The following KPNA6 variants were observed in gnomAD, a reference collection of about 807,000 sequenced individuals.
KPNA6 encodes the protein karyopherin subunit alpha 6, also known as importin subunit alpha-7.
In KPNA6, 9 loss-of-function variants were observed where a neutral mutation model predicts 72.0. The observed-to-expected ratio is 0.13, with a 90% CI of 0.08 to 0.22. The LOEUF (loss-of-function observed/expected upper bound fraction) is 0.22. KPNA6 is among the 10% of genes least tolerant of loss of function. KPNA6 has a pLI of 1.00. For missense variants in KPNA6, 374 were observed against 655.7 expected, an observed-to-expected ratio of 0.57 and a Z score of 4.69; for synonymous variants, 219 against 242.1, an observed-to-expected ratio of 0.90 and a Z score of 0.89.
chr1:32,110,354 C>T lies in KPNA6; in HGVS notation c.4+2220C>T, dbSNP rs143005076. On this transcript the variant is annotated intron_variant, in intron 1 of 13. Coordinates refer to ENST00000373625, the MANE Select transcript of KPNA6 (RefSeq NM_012316.5). ...TGCTGGGATTACAGGCATGAGCCAC[C>T]GCGCCTGGCCTGGAATTGGATTTTT... 5.0e-3 allele frequency among the ~76,000 whole-genome samples: 762 copies of T among 152,054 alleles called. 8 individuals carry two copies. The highest frequency in any genetic ancestry group is 0.018 in the African/African-American group (729 of 41,480).
intron 1 of KPNA6, among the ~76,000 whole-genome samples, chr1:32,152,869 A>G (rs2124052310): frequency 6.6e-6 from 1 of 151,030 alleles, no homozygotes; most frequent in Middle Eastern, 3.4e-3. Flanking sequence ...AAAAATAAAA[A>G]AAATTAGCCC....
At chr1:32,120,723 C>A (rs914433659) in intron 1 of KPNA6, among the ~76,000 whole-genome samples, 2 of 150,596 alleles carry the variant, frequency 1.3e-5, no homozygotes, top group African/African-American at 4.9e-5. Flanking sequence ...CCTGCCATCA[C>A]ACTCGGTTAA....
At chr1:32,115,303 T>A (rs1641311427) in intron 1 of KPNA6, among the ~76,000 whole-genome samples, 2 of 151,004 alleles carry the variant, frequency 1.3e-5, no homozygotes, top group South Asian at 4.2e-4. Flanking sequence ...GCCCGGCTAA[T>A]TTTTTTTTGT....
At chr1:32,114,921 G>A (rs1641301767) in intron 1 of KPNA6, among the ~76,000 whole-genome samples, 1 of 152,056 alleles carries the variant, frequency 6.6e-6, no homozygotes, top group Admixed American at 6.6e-5. Context: ...CCTCACTGCA[G>A]CCTCTGTCTC....
chr1:32,159,008 G>T (rs1642192525), intron 5 of KPNA6, among the ~76,000 whole-genome samples: 1 of 152,186 alleles, frequency 6.6e-6, no homozygotes, highest in African/African-American at 2.4e-5. Context: ...CCAGAACTCA[G>T]CTGAAAGGGA....
At chr1:32,114,211 G>A (rs1641288713) in intron 1 of KPNA6, among the ~76,000 whole-genome samples, 3 of 151,940 alleles carry the variant, frequency 2.0e-5, no homozygotes, top group Admixed American at 1.3e-4. Flanking sequence ...AGGCCGAGGC[G>A]GGCAGACCAC....
intron 1 of KPNA6, among the ~76,000 whole-genome samples, chr1:32,131,711 T>C (rs1377287950): frequency 1.3e-5 from 2 of 149,956 alleles, no homozygotes; most frequent in East Asian, 3.9e-4. Context: ...TATGTATGTG[T>C]ATATATACTT....
At chr1:32,141,090 G>C (rs1447455941) in intron 1 of KPNA6, among the ~76,000 whole-genome samples, 1 of 152,070 alleles carries the variant, frequency 6.6e-6, no homozygotes, top group East Asian at 1.9e-4. Context: ...ATGTACTTCA[G>C]GTTTGTGGTT....
At chr1:32,164,510 C>T (rs1642295888) in intron 10 of KPNA6, among the ~76,000 whole-genome samples, 1 of 151,966 alleles carries the variant, frequency 6.6e-6, no homozygotes, top group Non-Finnish European at 1.5e-5. Flanking sequence ...GCAGCATGTT[C>T]CAGTTTCCCC....
intron 1 of KPNA6, among the ~76,000 whole-genome samples, chr1:32,111,475 C>G (rs934642944): frequency 1.3e-5 from 2 of 152,176 alleles, no homozygotes; most frequent in Non-Finnish European, 2.9e-5. Flanking sequence ...GTACCTCTCC[C>G]TCATCGTAGC....
chr1:32,108,092 C>A lies in KPNA6; in HGVS notation c.-39C>A. 1 of 1,613,782 alleles carries A rather than the reference C, an allele frequency of 6.2e-7. No individual in the cohort carries two copies. Among genetic ancestry groups the A allele is most frequent in the East Asian group, 2.2e-5 (1 of 44,878 alleles). On this transcript the variant is annotated 5_prime_UTR_variant, in exon 1 of 14. Coordinates refer to ENST00000373625, the MANE Select transcript of KPNA6 (RefSeq NM_012316.5). Reference sequence around the variant, plus strand: ...TGAAAGCTGCCGCTGAAGCTGCCGCCGTTGCCTCCGCCGCCAAGAGTGAGC... The same window carrying A: ...TGAAAGCTGCCGCTGAAGCTGCCGCAGTTGCCTCCGCCGCCAAGAGTGAGC...
intron 1 of KPNA6, among the ~76,000 whole-genome samples, chr1:32,116,433 C>T (rs566595105): frequency 6.6e-6 from 1 of 151,938 alleles, no homozygotes; most frequent in East Asian, 1.9e-4. Context: ...CCCAGGCAGG[C>T]GGATCACCTG....
chr1:32,157,306 A>T (rs781509246), intron 3 of KPNA6, 40 bp from the exon 4 acceptor site: 1 of 1,499,442 alleles, frequency 6.7e-7, no homozygotes, highest in Non-Finnish European at 9.3e-7. Flanking sequence ...TCTGGCTCTA[A>T]TGTTGGTTTG....
chr1:32,108,067 T>G lies in KPNA6; in HGVS notation c.-64T>G. 6.2e-7 allele frequency: 1 copy of G among 1,613,108 alleles called. No homozygotes were observed. The highest frequency in any genetic ancestry group is 8.5e-7 in the Non-Finnish European group (1 of 1,179,364). ...CCTACAGATCCGCCATATTGTCTAC[T>G]GAAAGCTGCCGCTGAAGCTGCCGCC... is the stretch of plus-strand genomic sequence containing the variant. On this transcript the variant is annotated 5_prime_UTR_variant, in exon 1 of 14. Transcript: ENST00000373625.
chr1:32,165,991 CTG>C (rs1642327696), intron 10 of KPNA6, 112 bp from the exon 11 acceptor site: 1 of 1,207,542 alleles, frequency 8.3e-7, no homozygotes, highest in African/African-American at 1.6e-5. Flanking sequence ...GAGCGAGACT[CTG>C]TCTCAAAAAA....
intron 4 of KPNA6, among the ~76,000 whole-genome samples, chr1:32,157,862 G>A (rs1234197179): frequency 6.6e-6 from 1 of 152,040 alleles, no homozygotes; most frequent in East Asian, 1.9e-4. Context: ...CACACCATAG[G>A]TACTTAATAA....
intron 1 of KPNA6, among the ~76,000 whole-genome samples, chr1:32,120,186 C>T (rs1365259537): frequency 6.6e-6 from 1 of 151,624 alleles, no homozygotes; most frequent in African/African-American, 2.4e-5. Context: ...TTCTGTGTAT[C>T]TTATGAAATA....
chr1:32,128,217 C>T (rs953508069), intron 1 of KPNA6, among the ~76,000 whole-genome samples: 4 of 151,420 alleles, frequency 2.6e-5, no homozygotes, highest in Non-Finnish European at 5.9e-5. Context: ...TCCCAGTCTT[C>T]TCCTGTGTCT....
intron 2 of KPNA6, among the ~76,000 whole-genome samples, chr1:32,156,162 G>A (rs1021907495): frequency 4.0e-5 from 6 of 151,618 alleles, no homozygotes; most frequent in Non-Finnish European, 5.9e-5. Context: ...GAGTACAGTG[G>A]CGTGATCTTG....
Sources: allele counts gnomAD v4.1 joint callset (sites outside exome capture counted in the v4.1 genomes callset), GRCh38; gene constraint gnomAD v4.1.1; transcripts MANE v1.5; gene names NCBI Gene and HGNC (gene_info 2026-07-23, HGNC 2026-07-21).